Variants in CHM observed in about 807,000 individuals in gnomAD.
CHM encodes the protein rab proteins geranylgeranyltransferase component A 1.
CHM carries 10 observed loss-of-function variants against 49.0 expected under a neutral mutation model. The observed-to-expected ratio is 0.20, with a 90% CI of 0.13 to 0.35. CHM has a LOEUF of 0.35. CHM is among the 10% of genes least tolerant of loss of function. CHM has a pLI of 1.00. For missense variants in CHM, 455 were observed against 478.4 expected (o/e 0.95, Z 0.46); for synonymous variants, 184 against 167.5 (o/e 1.10, Z -0.76).
chrX:85,978,578 G>A (rs774886898), intron 4 of CHM, 189 bp downstream of exon 4: 88 of 335,762 alleles, frequency 2.6e-4, no homozygotes, highest in African/African-American at 1.6e-3. Context: ...ATTCGGAGGC[G>A]TTAAGGTAAA....
chrX:86,002,194 T>C (rs1932755120), intron 2 of CHM, among the ~76,000 whole-genome samples: 1 of 112,173 alleles, frequency 8.9e-6, no homozygotes, highest in South Asian at 3.7e-4. Flanking sequence ...CTCTGAAAGC[T>C]GGAACCTGGG....
At chrX:86,017,439 G>A (rs1407136733) in intron 2 of CHM, among the ~76,000 whole-genome samples, 1 of 111,344 alleles carries the variant, frequency 9.0e-6, no homozygotes, top group East Asian at 2.8e-4. Context: ...TTGAATTATG[G>A]GGATGGTTTC....
At position 86,027,535 on chromosome X, in the gene CHM, T is replaced by G. The variant is rs1933879046; in HGVS notation, c.72A>C (p.Ala24=). 9 of 1,207,320 alleles carry G rather than the reference T, an allele frequency of 7.5e-6. No homozygotes were observed. The East Asian group carries it at 8.9e-5, about 12-fold the overall frequency. The change falls in exon 2 of 15, where the codon GCA becomes GCC. Residue 24 remains alanine (A), a synonymous_variant. Transcript: ENST00000357749. Reference sequence around the variant, plus strand: ...TCCGGCCACTTCTTGAACATGCAGCTGCAATGATGGATTCAGGCAAACCTA... The same window carrying G: ...TCCGGCCACTTCTTGAACATGCAGCGGCAATGATGGATTCAGGCAAACCTA... ...IGTGLPESII[A]AACSRSGRRV... is the part of the protein sequence containing the mutation.
chrX:85,914,275 C>A (rs1927322820), intron 8 of CHM, among the ~76,000 whole-genome samples: 2 of 110,780 alleles, frequency 1.8e-5, no homozygotes, highest in Admixed American at 9.6e-5. Context: ...GGTGGTTTTA[C>A]CCTTTGTGAG....
rs1451090035 is a variant in CHM, at chrX:85,862,813, CCTTT to C, written c.*1813_*1816del. 1 of 111,429 alleles carries C rather than the reference CCTTT, an allele frequency of 9.0e-6. No homozygotes were observed. Among genetic ancestry groups the C allele is most frequent in the East Asian group, 2.8e-4 (1 of 3,529 alleles). 9.2% of individuals were successfully genotyped at this position (111,429 alleles called of 1,213,427 possible). On this transcript the variant is annotated 3_prime_UTR_variant, in exon 15 of 15. Transcript: ENST00000357749. ...ATCTGTGACCTGCCACAGCTGGCTT[CCTTT>C]AAGAACATCTCTGAAACCTGGTGAG... is the stretch of plus-strand genomic sequence containing the variant.
chrX:85,947,327 G>A (rs937430512), intron 8 of CHM, among the ~76,000 whole-genome samples: 1 of 111,868 alleles, frequency 8.9e-6, no homozygotes, highest in Non-Finnish European at 1.9e-5. Flanking sequence ...TATCATGGAG[G>A]TGAATTTCTC....
At chrX:85,973,408 C>T (rs1931081413) in intron 4 of CHM, among the ~76,000 whole-genome samples, 1 of 105,861 alleles carries the variant, frequency 9.4e-6, no homozygotes, top group Non-Finnish European at 1.9e-5. Context: ...GTCATCTGGT[C>T]TAAAGTGACA....
intron 8 of CHM, among the ~76,000 whole-genome samples, chrX:85,939,694 A>T (rs1928993831): frequency 1.8e-5 from 2 of 112,107 alleles, no homozygotes; most frequent in African/African-American, 6.5e-5. Context: ...TTCCCCCCAT[A>T]TTCTTATTCT....
At chrX:85,950,009 A>ATATATATATATATATATATC (rs1569422903) in intron 8 of CHM, among the ~76,000 whole-genome samples, 20 of 81,282 alleles carry the variant, frequency 2.5e-4, no homozygotes, top group African/African-American at 8.4e-4. Context: ...ATATATATAT[A>ATATATATATATATATATATC]TCTTGTAATG....
intron 14 of CHM, among the ~76,000 whole-genome samples, chrX:85,870,769 A>T (rs890245467): frequency 8.9e-6 from 1 of 111,927 alleles, no homozygotes; most frequent in South Asian, 3.7e-4. Flanking sequence ...AGAAAGAATC[A>T]CAACTATCAC....
chrX:85,897,705 G>A (rs755711086), intron 11 of CHM, among the ~76,000 whole-genome samples: 1 of 110,924 alleles, frequency 9.0e-6, no homozygotes, highest in East Asian at 2.9e-4. Flanking sequence ...TGAGGCCAGT[G>A]GAAGAACTGA....
intron 8 of CHM, among the ~76,000 whole-genome samples, chrX:85,955,438 G>C (rs1929960756): frequency 9.0e-6 from 1 of 111,549 alleles, no homozygotes; most frequent in Non-Finnish European, 1.9e-5. Flanking sequence ...ACACAAACAA[G>C]TATTCCCTGA....
intron 9 of CHM, among the ~76,000 whole-genome samples, chrX:85,905,942 G>A (rs966047809): frequency 2.7e-5 from 3 of 111,621 alleles, no homozygotes; most frequent in African/African-American, 9.8e-5. Context: ...TCTGCATACC[G>A]AACAGATCTC....
rs1924474768 is a variant in CHM at position 85,877,269 on chromosome X, C to CAA, written c.1609+1694_1609+1695dup. Among the ~76,000 whole-genome samples the CAA allele has an allele frequency of 2.7e-5, 3 of 111,250 alleles. No homozygotes were observed. The South Asian group carries it at 1.1e-3, about 42-fold the overall frequency. On this transcript the variant is annotated intron_variant, in intron 13 of 14. Coordinates refer to ENST00000357749, the MANE Select transcript of CHM (RefSeq NM_000390.4). ...TCAAATACTTCATTTGGGTAGCTCC[C>CAA]AAAAAACATAATTGATATTAGCCTC...
At chrX:86,036,628 G>T (rs1017742662) in intron 1 of CHM, among the ~76,000 whole-genome samples, 1 of 112,100 alleles carries the variant, frequency 8.9e-6, no homozygotes, top group East Asian at 2.8e-4. Context: ...AAGAGACTTT[G>T]CAGGGCAATT....
chrX:85,895,315 T>G (rs1469070123), intron 11 of CHM, among the ~76,000 whole-genome samples: 10 of 103,388 alleles, frequency 9.7e-5, no homozygotes, highest in African/African-American at 3.6e-4. Context: ...TTTTTTTTTT[T>G]GTATTTTTTG....
chrX:85,870,231 A>G (rs1352617193), intron 14 of CHM, among the ~76,000 whole-genome samples: 1 of 112,189 alleles, frequency 8.9e-6, no homozygotes, highest in African/African-American at 3.2e-5. Flanking sequence ...AATATATATG[A>G]GATGCTAAGG....
rs1018421759 is a variant in CHM at position 85,933,534 on chromosome X, T to C, written c.1167-22196A>G. Among the ~76,000 whole-genome samples the C allele has an allele frequency of 3.6e-5, 4 of 112,181 alleles. No homozygotes were observed. In the Admixed American group the frequency reaches 3.8e-4, roughly 11 times the overall value. ...ATGCCTATATACACTTTGCAGACTT[T>C]TATAATACAAGAAGTTAAAACACAA... On this transcript the variant is annotated intron_variant, in intron 8 of 14. Coordinates refer to ENST00000357749, the MANE Select transcript of CHM (RefSeq NM_000390.4).
chrX:86,019,211 T>G (rs1933437070), intron 2 of CHM, among the ~76,000 whole-genome samples: 1 of 111,297 alleles, frequency 9.0e-6, no homozygotes, highest in East Asian at 2.8e-4. Context: ...AAAATATATT[T>G]CGAAATTTAA....
Sources: gnomAD v4.1 joint callset for allele counts (sites outside exome capture counted in the v4.1 genomes callset) on GRCh38, gnomAD v4.1.1 for gene constraint, MANE v1.5 for transcripts, NCBI Gene and HGNC (gene_info 2026-07-23, HGNC 2026-07-21) for gene names.